SAE1: variants seen among roughly 807,000 people sequenced by gnomAD.
SAE1 encodes SUMO-activating enzyme subunit 1.
In SAE1, 11 loss-of-function variants were observed where a neutral mutation model predicts 40.6. That is an observed-to-expected ratio of 0.27 (90% CI 0.17 to 0.45). The LOEUF (loss-of-function observed/expected upper bound fraction) is 0.45. Ranked by LOEUF, SAE1 falls within the 20% of genes least tolerant of loss-of-function variation. The pLI is 1.00. For missense variants in SAE1, 373 were observed against 427.3 expected (o/e 0.87, Z 1.12); for synonymous variants, 155 against 154.3 (o/e 1.00, Z -0.03).
At chr19:47,167,160 G>C (rs1433143245) in intron 5 of SAE1, among the ~76,000 whole-genome samples, 1 of 151,862 alleles carries the variant, frequency 6.6e-6, no homozygotes, top group African/African-American at 2.4e-5. Context: ...CACCGTGTTG[G>C]CCAGGCTGGT....
chr19:47,174,376 A>G (rs997987708), intron 6 of SAE1, among the ~76,000 whole-genome samples: 16 of 150,966 alleles, frequency 1.1e-4, no homozygotes, highest in African/African-American at 3.9e-4. Flanking sequence ...TAGGTCAGTA[A>G]TAATCATACA....
intron 6 of SAE1, among the ~76,000 whole-genome samples, chr19:47,194,804 A>G (rs2058603029): frequency 6.8e-6 from 1 of 146,708 alleles, no homozygotes; most frequent in Non-Finnish European, 1.5e-5. Flanking sequence ...GGCAAAGTGC[A>G]GTGGCGCGAT....
chr19:47,155,170 A>G lies in SAE1; in HGVS notation c.584A>G (p.Lys195Arg). 2 of 1,614,106 alleles carry G rather than the reference A, an allele frequency of 1.2e-6. No homozygotes were observed. Among genetic ancestry groups the G allele is most frequent in the East Asian group, 2.2e-5 (1 of 44,894 alleles). The change falls in exon 5 of 9, where the codon AAG becomes AGG. Residue 195 changes from lysine (K) to arginine (R), a missense_variant. This residue lies in a region of SAE1 where 351 missense variants were observed against 390.6 expected (regional missense o/e 0.90). Coordinates refer to ENST00000270225, the MANE Select transcript of SAE1 (RefSeq NM_005500.3). ...GGAGTAGAAGATGGGCCCGACACCA[A>G]GAGAGCAAAACTTGATTCTTCTGAG... Reference protein sequence around the residue: ...SQGVEDGPDTKRAKLDSSETT... With the variant: ...SQGVEDGPDTRRAKLDSSETT...
intron 6 of SAE1, among the ~76,000 whole-genome samples, chr19:47,178,577 A>C (rs2058484865): frequency 6.6e-6 from 1 of 152,140 alleles, no homozygotes; most frequent in African/African-American, 2.4e-5. Context: ...GGATTCGTGC[A>C]ATTCTCCTGC....
intron 6 of SAE1, among the ~76,000 whole-genome samples, chr19:47,182,914 C>T (rs1183638425): frequency 6.6e-6 from 1 of 152,032 alleles, no homozygotes; most frequent in Non-Finnish European, 1.5e-5. Context: ...AACACCCTGT[C>T]TCTTTTTTTG....
chr19:47,198,114 C>CTT (rs200468247), intron 7 of SAE1, among the ~76,000 whole-genome samples: 2 of 146,154 alleles, frequency 1.4e-5, no homozygotes, highest in Non-Finnish European at 1.5e-5. Context: ...CTCTCTCTCT[C>CTT]TTTTTTTTTT....
chr19:47,159,868 A>G (rs2058348099), intron 5 of SAE1, among the ~76,000 whole-genome samples: 1 of 151,734 alleles, frequency 6.6e-6, no homozygotes, highest in Non-Finnish European at 1.5e-5. Flanking sequence ...TGGTTTTTGT[A>G]TTTTTAGTAG....
intron 6 of SAE1, among the ~76,000 whole-genome samples, chr19:47,181,627 C>T (rs1334876652): frequency 2.0e-5 from 3 of 150,434 alleles, no homozygotes; most frequent in Non-Finnish European, 3.0e-5. Flanking sequence ...TACAGGTGCC[C>T]GCCACCACAC....
intron 4 of SAE1, among the ~76,000 whole-genome samples, chr19:47,154,254 C>G (rs902162470): frequency 1.3e-5 from 2 of 150,512 alleles, no homozygotes; most frequent in African/African-American, 4.9e-5. Flanking sequence ...CCATGCCCGG[C>G]AAATTTTTGT....
chr19:47,167,309 C>T (rs1396875682), intron 5 of SAE1, among the ~76,000 whole-genome samples: 6 of 150,832 alleles, frequency 4.0e-5, no homozygotes, highest in Non-Finnish European at 7.4e-5. Flanking sequence ...CTCTGTCCCC[C>T]AGGCTGGGGT....
chr19:47,181,365 A>G (rs1165099355), intron 6 of SAE1, among the ~76,000 whole-genome samples: 2 of 151,788 alleles, frequency 1.3e-5, no homozygotes, highest in African/African-American at 4.8e-5. Context: ...AAAGGTCTGT[A>G]GGTTAGATAG....
chr19:47,172,016 TCAAA>T (rs1385377638), intron 6 of SAE1, among the ~76,000 whole-genome samples: 3 of 152,088 alleles, frequency 2.0e-5, no homozygotes, highest in Non-Finnish European at 4.4e-5. Context: ...ACCTCCCGGT[TCAAA>T]CAGTTTCCCC....
At chr19:47,204,297 A>G (rs894056245) in intron 8 of SAE1, among the ~76,000 whole-genome samples, 1 of 139,334 alleles carries the variant, frequency 7.2e-6, no homozygotes, top group Non-Finnish European at 1.5e-5. Flanking sequence ...TCCCGGGTTC[A>G]CGCCATTCTC....
chr19:47,163,470 G>GA (rs1600173216), intron 5 of SAE1, among the ~76,000 whole-genome samples: 2 of 152,240 alleles, frequency 1.3e-5, no homozygotes, highest in East Asian at 3.9e-4. Context: ...CCTCACGCCT[G>GA]AAATCCCAGC....
chr19:47,168,219 C>T (rs79717330), intron 5 of SAE1, among the ~76,000 whole-genome samples: 1 of 151,758 alleles, frequency 6.6e-6, no homozygotes, highest in African/African-American at 2.4e-5. Context: ...AAACAAAAAA[C>T]TGTTTTTTTG....
intron 4 of SAE1, among the ~76,000 whole-genome samples, chr19:47,153,993 G>A (rs1000529584): frequency 1.3e-5 from 2 of 151,920 alleles, no homozygotes; most frequent in African/African-American, 4.8e-5. Flanking sequence ...GTTTTTCCAT[G>A]TTGGTCAGGC....
At chr19:47,178,269 T>C (rs1021969724) in intron 6 of SAE1, among the ~76,000 whole-genome samples, 2 of 151,984 alleles carry the variant, frequency 1.3e-5, no homozygotes, top group Non-Finnish European at 2.9e-5. Context: ...TCTATCTATC[T>C]ATCAGTCAGA....
chr19:47,153,383 C>T (rs559595761), intron 4 of SAE1, among the ~76,000 whole-genome samples: 1 of 152,216 alleles, frequency 6.6e-6, no homozygotes, highest in African/African-American at 2.4e-5. Context: ...AAACAGACCT[C>T]ATCCTCTCAT....
chr19:47,164,458 C>T (rs527604810), intron 5 of SAE1, among the ~76,000 whole-genome samples: 13 of 151,656 alleles, frequency 8.6e-5, no homozygotes, highest in Admixed American at 1.3e-4. Flanking sequence ...TGAGCCACCA[C>T]GTCTGGCCTG....
Sources: gnomAD v4.1 joint callset for allele counts (sites outside exome capture counted in the v4.1 genomes callset) on GRCh38, gnomAD v4.1.1 for gene constraint, gnomAD v4.1.1 regional missense constraint, MANE v1.5 for transcripts, NCBI Gene and HGNC (gene_info 2026-07-23, HGNC 2026-07-21) for gene names.